NBEAL2: variants seen among roughly 807,000 people sequenced by gnomAD.
The protein encoded by NBEAL2 is neurobeachin like 2.
A neutral mutation model predicts 299.8 loss-of-function variants in NBEAL2; 160 were observed. The ratio of observed to expected loss-of-function variants is 0.53; its 90% CI spans 0.47 to 0.61. NBEAL2 has a LOEUF of 0.61. Among genes scored for constraint, NBEAL2 ranks in the 20% least tolerant of loss-of-function variants. NBEAL2 has a pLI of 0.00. For synonymous variants in NBEAL2, 1,493 were observed against 1,542.3 expected, an observed-to-expected ratio of 0.97 and a Z score of 0.75; for missense variants, 3,112 against 3,649.0, an observed-to-expected ratio of 0.85 and a Z score of 3.79.
chr3:47,008,997 C>G lies in NBEAL2; in HGVS notation c.8036C>G (p.Pro2679Arg), dbSNP rs755150361. The G allele has an allele frequency of 6.3e-7, 1 of 1,599,334 alleles. No individual in the cohort carries two copies. Among genetic ancestry groups the G allele is most frequent in the South Asian group, 1.1e-5 (1 of 91,082 alleles). Residue 2679 changes from proline (P) to arginine (R), a missense_variant, in exon 53 of 54, where the codon CCG becomes CGG. Pro to Arg is a moderately radical substitution (Grantham distance 103). Transcript: ENST00000450053. The stretch of plus-strand genomic sequence containing the variant: ...TCCCCTCTCCCTTCCAGACTGCTCC[C>G]GGCCGCGCCTCCCTTGCCCATGAAG... ...LHILQLNTLL[P>R]AAPPLPMKVA...
intron 25 of NBEAL2, 46 bp from the exon 26 acceptor site, chr3:46,999,584 T>C: frequency 6.3e-7 from 1 of 1,593,322 alleles, no homozygotes; most frequent in Non-Finnish European, 8.6e-7. Context: ...GCCCTGCCCT[T>C]TCTAGTCTGG....
chr3:46,996,194 C>A, intron 15 of NBEAL2, 77 bp from the exon 16 acceptor site: 1 of 1,578,966 alleles, frequency 6.3e-7, no homozygotes. Context: ...CCATGGGGGT[C>A]ACTGTGAGGA....
chr3:46,999,392 C>T lies in NBEAL2; in HGVS notation c.3621C>T (p.Leu1207=). The T allele has an allele frequency of 1.2e-6, 2 of 1,604,154 alleles. No individual in the cohort carries two copies. The highest frequency in any genetic ancestry group is 1.1e-5 in the South Asian group (1 of 89,482). ...GCCTCCGGCTGCGGGAGTGTGGTCT[C>T]CAGGGTCTGGTTGCCTGCTTGCCTG... ...RQRLRLRECG[L]QGLVACLPEG... The change falls in exon 25 of 54, where the codon CTC becomes CTT. Residue 1207 remains leucine, a synonymous_variant. Coordinates refer to ENST00000450053, the MANE Select transcript of NBEAL2 (RefSeq NM_015175.3).
rs1171033959 is a variant in NBEAL2 at position 47,000,481 on chromosome 3, C to A, written c.4305+77C>A. The stretch of plus-strand genomic sequence containing the variant: ...CTGGTACACAGGGCTGGCAGTGTAG[C>A]CTCTCCAAAGGTGTGGCCCTGTCTG... On this transcript the variant is annotated intron_variant, in intron 27 of 53. Transcript: ENST00000450053. This position sits in a 1 kb window ranked among gnomAD's most constrained non-coding sequence, Gnocchi z 4.5. 1 of 1,512,786 alleles carries A rather than the reference C, an allele frequency of 6.6e-7. No homozygotes were observed. Among genetic ancestry groups the A allele is most frequent in the African/African-American group, 1.4e-5 (1 of 71,830 alleles). The allele number at this position is 1,512,786 out of a possible 1,614,324, so 93.7% of individuals were successfully genotyped here. A position where few individuals can be genotyped will look rare whatever the true frequency, so the allele number is the denominator to read the frequency against.
In NBEAL2 at chr3:47,009,463, G is replaced by A. The variant is rs757564399; in HGVS notation, c.*143G>A. ...CCCTGCCCAGCTCAGGGATTGGCGG[G>A]CGATGTTACCCCCTCAGGGATTGGC... is the stretch of plus-strand genomic sequence containing the variant. On this transcript the variant is annotated 3_prime_UTR_variant, in exon 54 of 54. Transcript: ENST00000450053. The A allele has an allele frequency of 1.3e-6, 1 of 793,018 alleles. No homozygotes were observed. The highest frequency in any genetic ancestry group is 2.0e-6 in the Non-Finnish European group (1 of 493,430). 49.1% of individuals were successfully genotyped at this position (793,018 alleles called of 1,614,324 possible).
chr3:47,002,679 G>T lies in NBEAL2; in HGVS notation c.5336G>T (p.Arg1779Leu). 6.2e-6 allele frequency: 10 copies of T among 1,606,040 alleles called. No individual in the cohort carries two copies. The highest frequency in any genetic ancestry group is 8.5e-6 in the Non-Finnish European group (10 of 1,177,800). Reference protein sequence around the residue: ...LVLEPAQRRARLEGLRYTAVL... With the variant: ...LVLEPAQRRALLEGLRYTAVL... Reference sequence around the variant, plus strand: ...CTGGAACCTGCGCAGAGGCGGGCGCGCCTGGAGGGGCTACGCTACACGGCA... The same window carrying T: ...CTGGAACCTGCGCAGAGGCGGGCGCTCCTGGAGGGGCTACGCTACACGGCA... The change falls in exon 33 of 54, where the codon CGC (arginine) becomes CTC (leucine). Residue 1779 changes from arginine to leucine, a missense_variant. Arg to Leu is a moderately radical substitution (Grantham distance 102, BLOSUM62 -2). Transcript: ENST00000450053.
intron 46 of NBEAL2, 36 bp downstream of exon 46, chr3:47,007,191 C>T (rs1332100790): frequency 6.2e-7 from 1 of 1,610,550 alleles, no homozygotes; most frequent in South Asian, 1.1e-5. Flanking sequence ...CTCAGCTCCA[C>T]TCCCCCTTGC....
chr3:47,008,396 C>A lies in NBEAL2; in HGVS notation c.7833C>A (p.Gly2611=). ...PIFHLALGSE[G]QIVVQSSAWE... is the part of the protein sequence containing the mutation. Reference sequence around the variant, plus strand: ...TCCACCTGGCATTGGGGTCCGAAGGCCAGATTGTGGTACAGAGCTCAGCGT... The same window carrying A: ...TCCACCTGGCATTGGGGTCCGAAGGACAGATTGTGGTACAGAGCTCAGCGT... Residue 2611 remains glycine (G), a synonymous_variant, in exon 51 of 54, where the codon GGC becomes GGA. Transcript: ENST00000450053. The A allele has an allele frequency of 6.2e-7, 1 of 1,613,926 alleles. No individual in the cohort carries two copies. The highest frequency in any genetic ancestry group is 8.5e-7 in the Non-Finnish European group (1 of 1,179,860).
chr3:46,989,668 C>A lies in NBEAL2; in HGVS notation c.556+75C>A. 7.5e-7 allele frequency: 1 copy of A among 1,330,374 alleles called. No individual in the cohort carries two copies. The highest frequency in any genetic ancestry group is 1.1e-6 in the Non-Finnish European group (1 of 946,684). The allele number at this position is 1,330,374 out of a possible 1,614,324, so 82.4% of individuals were successfully genotyped here. Reference sequence around the variant, plus strand: ...CCTTCCTGTCGTTCCTTGATCCTGCCATACACAGGAACCACTTGGTGGTGG... The same window carrying A: ...CCTTCCTGTCGTTCCTTGATCCTGCAATACACAGGAACCACTTGGTGGTGG... On this transcript the variant is annotated intron_variant, in intron 6 of 53. Coordinates refer to ENST00000450053, the MANE Select transcript of NBEAL2 (RefSeq NM_015175.3). This position sits in a 1 kb window ranked among gnomAD's most constrained non-coding sequence, Gnocchi z 5.5.
intron 48 of NBEAL2, 27 bp downstream of exon 48, chr3:47,007,724 A>G (rs1324351110): frequency 3.1e-6 from 5 of 1,608,830 alleles, no homozygotes. Flanking sequence ...AGCTGGGGAG[A>G]ATGAGGCACA....
In NBEAL2 at chr3:46,991,879, T is replaced by G; in HGVS notation, c.965T>G (p.Val322Gly). ...ATGCTGGCATGTGAAGACCGGCCAG[T>G]GCTGCAAGCCACCTTCCTCAGCAAC... is the stretch of plus-strand genomic sequence containing the variant. ...PMMLACEDRP[V>G]LQATFLSNNC... The change falls in exon 9 of 54, where the codon GTG becomes GGG. Residue 322 changes from valine to glycine, a missense_variant. Around this residue, in one of 3 missense-constraint regions of NBEAL2, gnomAD observed 2,243 missense variants for 2,538.1 expected, o/e 0.88. Coordinates refer to ENST00000450053, the MANE Select transcript of NBEAL2 (RefSeq NM_015175.3). The surrounding 1 kb of genome is among the most constrained non-coding windows in gnomAD (Gnocchi z 6.2). 6.2e-7 allele frequency: 1 copy of G among 1,603,262 alleles called. No homozygotes were observed. Among genetic ancestry groups the G allele is most frequent in the Non-Finnish European group, 8.5e-7 (1 of 1,175,092 alleles).
At position 47,000,335 on chromosome 3, in the gene NBEAL2, G is replaced by T. The variant is rs1376868842; in HGVS notation, c.4236G>T (p.Val1412=). 3 of 1,605,270 alleles carry T rather than the reference G, an allele frequency of 1.9e-6. No individual in the cohort carries two copies. The highest frequency in any genetic ancestry group is 2.2e-5 in the South Asian group (2 of 90,862). ...GCCACAGCTCCAGTCTCTCCAATGT[G>T]CTGGAGGACGGCAGCCTCCCGGAGC... The part of the protein sequence containing the change: ...PGRHSSSLSN[V]LEDGSLPEPT... The change falls in exon 27 of 54, where the codon GTG becomes GTT. Residue 1412 remains valine (V), a synonymous_variant. Transcript: ENST00000450053. The surrounding 1 kb of genome is among the most constrained non-coding windows in gnomAD (Gnocchi z 4.5).
At chr3:46,985,542 C>T (rs1314857283) in intron 1 of NBEAL2, among the ~76,000 whole-genome samples, 1 of 152,174 alleles carries the variant, frequency 6.6e-6, no homozygotes, top group Non-Finnish European at 1.5e-5. Flanking sequence ...CTCGGGAGCC[C>T]CTCACCCCCA....
intron 52 of NBEAL2, 58 bp from the exon 53 acceptor site, chr3:47,008,931 G>C (rs2037666805): frequency 1.9e-6 from 3 of 1,593,822 alleles, no homozygotes; most frequent in Non-Finnish European, 2.6e-6. Context: ...AGGGATATCT[G>C]CTGGTCGCAA....
chr3:46,997,208 G>A lies in NBEAL2; in HGVS notation c.2650-51G>A, dbSNP rs955121324. On this transcript the variant is annotated intron_variant, in intron 18 of 53. Transcript: ENST00000450053. Reference sequence around the variant, plus strand: ...TGGGTGGTCTGCTGGGGTGGAGTAGGGCAGGAAACTGGCTGGAAGGTCCCC... The same window carrying A: ...TGGGTGGTCTGCTGGGGTGGAGTAGAGCAGGAAACTGGCTGGAAGGTCCCC... 3 of 1,606,152 alleles carry A rather than the reference G, an allele frequency of 1.9e-6. No homozygotes were observed. The African/African-American group carries it at 4.0e-5, about 22-fold the overall frequency.
chr3:46,997,637 C>T lies in NBEAL2; in HGVS notation c.2901C>T (p.Asn967=), dbSNP rs753446629. 2.5e-6 allele frequency: 4 copies of T among 1,592,942 alleles called. No individual in the cohort carries two copies. The highest frequency in any genetic ancestry group is 3.4e-6 in the Non-Finnish European group (4 of 1,165,430). ...ACTTCCTTCAGGGTCACATGGTGAACCAAGAGAGCCTGGTGCAGTGCCAGG... is the reference window on the plus strand; with the variant it reads ...ACTTCCTTCAGGGTCACATGGTGAATCAAGAGAGCCTGGTGCAGTGCCAGG... ...LRNFLQGHMV[N]QESLVQCQGP... Residue 967 remains asparagine (N), a synonymous_variant, in exon 20 of 54, where the codon AAC becomes AAT. Transcript: ENST00000450053.
At chr3:46,994,644 C>T (rs999632162) in intron 12 of NBEAL2, 91 bp downstream of exon 12, 131 of 1,114,486 alleles carry the variant, frequency 1.2e-4, no homozygotes, top group Admixed American at 7.7e-4. Context: ...CCTGGGGGAC[C>T]GTATTGACTG....
At position 46,988,172 on chromosome 3, in the gene NBEAL2, T is replaced by C; in HGVS notation, c.52-497T>C. On this transcript the variant is annotated intron_variant, in intron 1 of 53. Transcript: ENST00000450053. The surrounding 1 kb of genome is among the most constrained non-coding windows in gnomAD (Gnocchi z 4.4). Reference sequence around the variant, plus strand: ...GGGTCTGCCTGTCTAATGGTACACGTGTGTCCTGGGATCCACAGTTAAAGA... The same window carrying C: ...GGGTCTGCCTGTCTAATGGTACACGCGTGTCCTGGGATCCACAGTTAAAGA... 1.2e-6 allele frequency: 1 copy of C among 862,420 alleles called. No homozygotes were observed. The highest frequency in any genetic ancestry group is 1.8e-5 in the South Asian group (1 of 56,380). The allele number at this position is 862,420 out of a possible 1,614,324, so 53.4% of individuals were successfully genotyped here.
intron 1 of NBEAL2, among the ~76,000 whole-genome samples, chr3:46,983,277 C>T (rs988075926): frequency 6.6e-6 from 1 of 151,336 alleles, no homozygotes; most frequent in African/African-American, 2.4e-5. Flanking sequence ...TGGTCAGGCC[C>T]TCCACTCCCC....
Sources: allele counts gnomAD v4.1 joint callset (sites outside exome capture counted in the v4.1 genomes callset), GRCh38; gene constraint gnomAD v4.1.1; regional missense constraint gnomAD v4.1.1; non-coding constraint Gnocchi (gnomAD v3.1); transcripts MANE v1.5; gene names NCBI Gene and HGNC (gene_info 2026-07-23, HGNC 2026-07-21).